Variants in PDE4D observed in about 807,000 individuals in gnomAD.
PDE4D encodes 3',5'-cyclic-AMP phosphodiesterase 4D.
In PDE4D, 24 loss-of-function variants were observed where a neutral mutation model predicts 87.4. The ratio of observed to expected loss-of-function variants is 0.27; its 90% CI spans 0.20 to 0.39. The LOEUF is 0.39. Among genes scored for constraint, PDE4D ranks in the 10% least tolerant of loss-of-function variants. The pLI is 1.00. For missense variants in PDE4D, 714 were observed against 1,041.0 expected (o/e 0.69, Z 4.32); for synonymous variants, 384 against 383.2 (o/e 1.00, Z -0.02).
chr5:59,401,478 A>ATCTATCTGTCTGTCTGTCTGTCTG (rs150045951), intron 1 of PDE4D, among the ~76,000 whole-genome samples: 32 of 150,868 alleles, frequency 2.1e-4, no homozygotes, highest in Admixed American at 2.0e-4. Flanking sequence ...CTATCTATCT[A>ATCTATCTGTCTGTCTGTCTGTCTG]TCTATCTATT....
intron 1 of PDE4D, among the ~76,000 whole-genome samples, chr5:60,409,954 C>T (rs1252463610): frequency 1.3e-5 from 2 of 151,984 alleles, no homozygotes; most frequent in South Asian, 2.1e-4. Context: ...GAGGAGAGCC[C>T]GAGGGATGAA....
At position 59,342,848 on chromosome 5, in the gene PDE4D, AGAT is replaced by A. The variant is rs1162085126; in HGVS notation, c.456-126883_456-126881del. Among the ~76,000 whole-genome samples the A allele has an allele frequency of 3.3e-5, 5 of 152,196 alleles. No homozygotes were observed. In the East Asian group the frequency reaches 7.7e-4, roughly 23 times the overall value. Reference sequence around the variant, plus strand: ...ACATTGCATACATTTATAGTGCGCAAGATGATGTTCTGAAATACGTACACATTA... The same window carrying A: ...ACATTGCATACATTTATAGTGCGCAAGATGTTCTGAAATACGTACACATTA... On this transcript the variant is annotated intron_variant, in intron 1 of 14. Coordinates refer to ENST00000340635, the MANE Select transcript of PDE4D (RefSeq NM_001104631.2).
intron 1 of PDE4D, among the ~76,000 whole-genome samples, chr5:59,692,775 T>G (rs56316556): frequency 6.6e-6 from 1 of 152,144 alleles, no homozygotes; most frequent in Non-Finnish European, 1.5e-5. Flanking sequence ...GGAAATGATT[T>G]TGGAGGTATT....
At position 60,114,727 on chromosome 5, in the gene PDE4D, G is replaced by A. The variant is rs578199264; in HGVS notation, c.42+70830C>T. Among the ~76,000 whole-genome samples, 3 of 152,184 alleles carry A rather than the reference G, an allele frequency of 2.0e-5. No homozygotes were observed. In the East Asian group the frequency reaches 5.8e-4, roughly 29 times the overall value. On this transcript the variant is annotated intron_variant, in intron 2 of 16. Transcript: ENST00000502484. ...ACTCTCATCCATCATCACTTTGCTTGTTAAATCTTACTGAAATAACATAGA... is the reference window on the plus strand; with the variant it reads ...ACTCTCATCCATCATCACTTTGCTTATTAAATCTTACTGAAATAACATAGA...
At chr5:59,960,008 C>A (rs548922752) in intron 3 of PDE4D, among the ~76,000 whole-genome samples, 30 of 151,862 alleles carry the variant, frequency 2.0e-4, no homozygotes, top group South Asian at 1.9e-3. Flanking sequence ...AAGAAAAAAA[C>A]CAAATAACCC....
intron 2 of PDE4D, among the ~76,000 whole-genome samples, chr5:60,030,232 T>C (rs1305459500): frequency 6.6e-6 from 1 of 151,714 alleles, no homozygotes; most frequent in Admixed American, 6.6e-5. Context: ...GGGTGGATCA[T>C]GAGGTCAGGA....
intron 1 of PDE4D, among the ~76,000 whole-genome samples, chr5:59,268,621 G>A (rs754928849): frequency 1.3e-5 from 2 of 151,896 alleles, no homozygotes; most frequent in Non-Finnish European, 2.9e-5. Context: ...GATCACCTCT[G>A]GAAAGGCTTC....
At chr5:59,410,939 C>T (rs143848284) in intron 1 of PDE4D, among the ~76,000 whole-genome samples, 333 of 152,298 alleles carry the variant, frequency 2.2e-3, no homozygotes, top group African/African-American at 7.5e-3. Flanking sequence ...CTTCACTATT[C>T]AGTTGATAGA....
At chr5:59,565,923 G>C (rs999210077) in intron 1 of PDE4D, among the ~76,000 whole-genome samples, 4 of 152,130 alleles carry the variant, frequency 2.6e-5, no homozygotes, top group African/African-American at 4.8e-5. Context: ...GGAGGAGAGG[G>C]GAAGCAAAAC....
At chr5:60,131,271 A>T (rs12515390) in intron 2 of PDE4D, among the ~76,000 whole-genome samples, 6 of 152,110 alleles carry the variant, frequency 3.9e-5, no homozygotes, top group Admixed American at 2.6e-4. Context: ...TATGGGGCTG[A>T]GAACAGATGT....
At position 60,373,849 on chromosome 5, in the gene PDE4D, A is replaced by C. The variant is rs528721201; in HGVS notation, c.-90+114093T>G. On this transcript the variant is annotated intron_variant, in intron 1 of 16. Coordinates refer to the PDE4D transcript ENST00000502484. ...TCCTCTGTCTTCAAAGCCAGCAATG[A>C]CTGGGTGATGCTTGACTTTCTCATG... Among the ~76,000 whole-genome samples the C allele has an allele frequency of 2.6e-5, 4 of 152,050 alleles. No individual in the cohort carries two copies. In the South Asian group the frequency reaches 8.3e-4, roughly 32 times the overall value.
intron 2 of PDE4D, among the ~76,000 whole-genome samples, chr5:60,050,763 C>G (rs1206413469): frequency 6.6e-6 from 1 of 152,044 alleles, no homozygotes; most frequent in African/African-American, 2.4e-5. Flanking sequence ...GAGGCAAGAT[C>G]CATTGTTGTG....
At chr5:59,878,039 G>A (rs939697984) in intron 1 of PDE4D, among the ~76,000 whole-genome samples, 2 of 152,118 alleles carry the variant, frequency 1.3e-5, no homozygotes, top group Admixed American at 1.3e-4. Context: ...TGGTGTAGTA[G>A]CTTCCTAGTT....
chr5:59,721,077 A>T (rs1244020382), intron 1 of PDE4D, among the ~76,000 whole-genome samples: 9 of 152,146 alleles, frequency 5.9e-5, no homozygotes, highest in Admixed American at 5.9e-4. Flanking sequence ...AATATAGGGG[A>T]GTAACACTTT....
chr5:60,377,487 T>C (rs1236537723), intron 1 of PDE4D, among the ~76,000 whole-genome samples: 1 of 152,242 alleles, frequency 6.6e-6, no homozygotes, highest in Non-Finnish European at 1.5e-5. Flanking sequence ...CTTCAAATTC[T>C]GACCAAATAT....
chr5:59,601,300 A>G (rs1827472535), intron 1 of PDE4D, among the ~76,000 whole-genome samples: 3 of 152,062 alleles, frequency 2.0e-5, no homozygotes, highest in Admixed American at 2.0e-4. Context: ...GCTACCCACA[A>G]CATTGTTTTT....
chr5:59,477,412 T>C (rs1327449388), intron 1 of PDE4D, among the ~76,000 whole-genome samples: 1 of 149,232 alleles, frequency 6.7e-6, no homozygotes, highest in African/African-American at 2.5e-5. Context: ...CTTATATACC[T>C]AATAAATCAA....
intron 1 of PDE4D, among the ~76,000 whole-genome samples, chr5:59,296,237 CTTTAT>C (rs937844113): frequency 5.9e-5 from 9 of 151,860 alleles, no homozygotes; most frequent in African/African-American, 2.2e-4. Context: ...GTAATATTTA[CTTTAT>C]ATTTTAATAT....
chr5:59,066,987 G>T (rs939063907), intron 5 of PDE4D, among the ~76,000 whole-genome samples: 3 of 141,292 alleles, frequency 2.1e-5, no homozygotes, highest in African/African-American at 2.6e-5. Context: ...CCCAGCTCGT[G>T]ATTTATTTAT....
Sources: gnomAD v4.1 joint callset for allele counts (sites outside exome capture counted in the v4.1 genomes callset) on GRCh38, gnomAD v4.1.1 for gene constraint, MANE v1.5 for transcripts, NCBI Gene and HGNC (gene_info 2026-07-23, HGNC 2026-07-21) for gene names.